Variants in CCSER1 observed in about 807,000 individuals in gnomAD.
CCSER1 encodes the protein serine-rich coiled-coil domain-containing protein 1.
Under a neutral mutation model 82.0 loss-of-function variants are expected in CCSER1, and 41 were observed. The ratio of observed to expected loss-of-function variants is 0.50; its 90% CI spans 0.39 to 0.65. CCSER1 has a LOEUF of 0.65. Ranked by LOEUF, CCSER1 falls within the 30% of genes least tolerant of loss-of-function variation. CCSER1 has a pLI of 0.00. For missense variants in CCSER1, 1,119 were observed against 1,064.2 expected, an observed-to-expected ratio of 1.05 and a Z score of -0.72; for synonymous variants, 414 against 383.9, an observed-to-expected ratio of 1.08 and a Z score of -0.92.
chr4:91,179,668 C>T (rs1733800500), intron 10 of CCSER1, among the ~76,000 whole-genome samples: 1 of 152,172 alleles, frequency 6.6e-6, no homozygotes, highest in African/African-American at 2.4e-5. Context: ...CATTTAATGT[C>T]TTCTGTATGC....
chr4:91,336,023 A>C (rs1237190161), intron 10 of CCSER1, among the ~76,000 whole-genome samples: 2 of 152,260 alleles, frequency 1.3e-5, no homozygotes, highest in East Asian at 3.9e-4. Flanking sequence ...TGTAAAGGGC[A>C]AATTCAGCAA....
chr4:90,372,772 C>G (rs1747663496), intron 3 of CCSER1, among the ~76,000 whole-genome samples: 1 of 151,716 alleles, frequency 6.6e-6, no homozygotes. Context: ...AAAAAAAAAG[C>G]TAGATTAGGG....
intron 6 of CCSER1, among the ~76,000 whole-genome samples, chr4:90,628,742 G>C (rs1025468192): frequency 3.3e-5 from 5 of 152,072 alleles, no homozygotes; most frequent in African/African-American, 1.2e-4. Flanking sequence ...CCCACAGCTT[G>C]GGCCTAGTTA....
At chr4:90,576,056 C>G (rs563659023) in intron 5 of CCSER1, among the ~76,000 whole-genome samples, 14 of 151,374 alleles carry the variant, frequency 9.2e-5, no homozygotes, top group Non-Finnish European at 2.1e-4. Context: ...CTCTGTTTTC[C>G]CTTTTCTTTG....
At chr4:90,856,720 C>T (rs939446823) in intron 8 of CCSER1, among the ~76,000 whole-genome samples, 9 of 152,084 alleles carry the variant, frequency 5.9e-5, no homozygotes, top group African/African-American at 1.9e-4. Context: ...TCATTTTCCA[C>T]AGTTTCTGTC....
chr4:91,144,853 A>G (rs979097098), intron 10 of CCSER1, among the ~76,000 whole-genome samples: 9 of 151,956 alleles, frequency 5.9e-5, no homozygotes, highest in Non-Finnish European at 1.2e-4. Flanking sequence ...ATTTTTAAAA[A>G]ATTTGTTGAG....
chr4:90,163,800 T>G (rs571615784), intron 1 of CCSER1, among the ~76,000 whole-genome samples: 1 of 152,286 alleles, frequency 6.6e-6, no homozygotes, highest in East Asian at 1.9e-4. Context: ...ACTACATTAA[T>G]GACATTGTAC....
At chr4:90,480,861 G>T (rs931884333) in intron 5 of CCSER1, among the ~76,000 whole-genome samples, 1 of 152,140 alleles carries the variant, frequency 6.6e-6, no homozygotes, top group Non-Finnish European at 1.5e-5. Context: ...GGCAATGCGG[G>T]CTCTTTTTTG....
chr4:91,103,695 G>A (rs1202391714), intron 10 of CCSER1, among the ~76,000 whole-genome samples: 2 of 152,074 alleles, frequency 1.3e-5, no homozygotes, highest in Non-Finnish European at 2.9e-5. Context: ...GAGGATGTAT[G>A]TCACCTCAGG....
At chr4:91,132,060 A>C (rs2148910539) in intron 10 of CCSER1, among the ~76,000 whole-genome samples, 1 of 152,164 alleles carries the variant, frequency 6.6e-6, no homozygotes, top group Admixed American at 6.6e-5. Context: ...AGAATAACAA[A>C]ACAACTCCAG....
chr4:91,475,371 AG>A (rs1213888006), intron 10 of CCSER1, among the ~76,000 whole-genome samples: 3 of 151,916 alleles, frequency 2.0e-5, no homozygotes, highest in Non-Finnish European at 4.4e-5. Context: ...AGCAGATATG[AG>A]GTTGATATGG....
chr4:91,347,008 T>G (rs375756217), intron 10 of CCSER1, among the ~76,000 whole-genome samples: 44 of 152,216 alleles, frequency 2.9e-4, no homozygotes, highest in African/African-American at 6.3e-4. Context: ...ATGAGTTTTT[T>G]TTTGTTTGTT....
At chr4:90,459,931 A>G (rs1363817532) in intron 4 of CCSER1, among the ~76,000 whole-genome samples, 1 of 152,188 alleles carries the variant, frequency 6.6e-6, no homozygotes, top group Non-Finnish European at 1.5e-5. Flanking sequence ...AAGCTTACAA[A>G]TGGAGTTCAT....
At chr4:91,413,347 C>T (rs1753175369) in intron 10 of CCSER1, among the ~76,000 whole-genome samples, 2 of 152,070 alleles carry the variant, frequency 1.3e-5, no homozygotes, top group South Asian at 4.1e-4. Flanking sequence ...GTAGTCCTAG[C>T]TACTCAGGAG....
chr4:90,706,461 A>G (rs561153171), intron 6 of CCSER1, among the ~76,000 whole-genome samples: 1 of 152,268 alleles, frequency 6.6e-6, no homozygotes, highest in Admixed American at 6.5e-5. Flanking sequence ...TCAATTAATT[A>G]ATTAAAATTA....
intron 10 of CCSER1, among the ~76,000 whole-genome samples, chr4:91,146,165 G>T (rs368868259): frequency 6.6e-6 from 1 of 152,224 alleles, no homozygotes. Flanking sequence ...CTGATTCAAA[G>T]AACTGGTCTT....
intron 10 of CCSER1, among the ~76,000 whole-genome samples, chr4:91,297,974 A>G (rs1048661380): frequency 6.6e-6 from 1 of 152,042 alleles, no homozygotes; most frequent in African/African-American, 2.4e-5. Context: ...TCACTTAATT[A>G]GGAAACTCAA....
intron 8 of CCSER1, among the ~76,000 whole-genome samples, chr4:90,849,808 AAAAG>A (rs1353771897): frequency 7.3e-5 from 11 of 151,544 alleles, no homozygotes; most frequent in African/African-American, 2.4e-4. Flanking sequence ...AAAAAAAAAA[AAAAG>A]AAAACCCATT....
chr4:90,454,905 T>C (rs1581063), intron 4 of CCSER1, among the ~76,000 whole-genome samples: 3,961 of 152,314 alleles, frequency 0.026, 163 homozygotes, highest in African/African-American at 0.09. Context: ...AGACTATATT[T>C]GCCAGCCTGT....
Sources: allele counts gnomAD v4.1 joint callset (sites outside exome capture counted in the v4.1 genomes callset), GRCh38; gene constraint gnomAD v4.1.1; transcripts MANE v1.5; gene names NCBI Gene and HGNC (gene_info 2026-07-23, HGNC 2026-07-21).